The following KLHL3 variants were observed in gnomAD, a reference collection of about 807,000 sequenced individuals.
KLHL3 encodes kelch like family member 3.
In KLHL3, 19 loss-of-function variants were observed where a neutral mutation model predicts 70.5. The ratio of observed to expected loss-of-function variants is 0.27; its 90% confidence interval spans 0.19 to 0.40. KLHL3 has a LOEUF of 0.40. Ranked by LOEUF, KLHL3 falls within the 10% of genes least tolerant of loss-of-function variation. The pLI is 1.00. For synonymous variants in KLHL3, 258 were observed against 290.3 expected (o/e 0.89, Z 1.13); for missense variants, 512 against 771.1 (o/e 0.66, Z 3.98).
chr5:137,627,027 A>G lies in KLHL3; in HGVS notation c.1592-1131T>C, dbSNP rs1255045425. On this transcript the variant is annotated intron_variant, in intron 13 of 14. Coordinates refer to ENST00000309755, the MANE Select transcript of KLHL3 (RefSeq NM_017415.3). ...AAAAAAAATCCATTTCTGGCCTTTT[A>G]TTCTAAAGAAATAATTTTAAATGTG... Among the ~76,000 whole-genome samples, 3 of 151,976 alleles carry G rather than the reference A, an allele frequency of 2.0e-5. No individual in the cohort carries two copies. In the South Asian group the frequency reaches 6.2e-4, roughly 32 times the overall value.
At chr5:137,636,638 G>T (rs924310367) in intron 11 of KLHL3, among the ~76,000 whole-genome samples, 1 of 152,206 alleles carries the variant, frequency 6.6e-6, no homozygotes, top group Non-Finnish European at 1.5e-5. Flanking sequence ...GACATCTGGA[G>T]GATGGAGAGA....
At chr5:137,677,222 G>A (rs1016253298) in intron 6 of KLHL3, among the ~76,000 whole-genome samples, 15 of 152,066 alleles carry the variant, frequency 9.9e-5, no homozygotes, top group Admixed American at 2.0e-4. Flanking sequence ...TGAGGCGGGC[G>A]GATTGCCTGA....
At chr5:137,730,993 C>T (rs1019278611) in intron 1 of KLHL3, among the ~76,000 whole-genome samples, 1 of 151,680 alleles carries the variant, frequency 6.6e-6, no homozygotes, top group Non-Finnish European at 1.5e-5. Context: ...TGCTCTATTC[C>T]GTTTAACCTA....
At chr5:137,720,337 G>T in intron 2 of KLHL3, 128 bp downstream of exon 2, 1 of 1,083,694 alleles carries the variant, frequency 9.2e-7, no homozygotes, top group Non-Finnish European at 1.3e-6. Context: ...GGGAACTCAA[G>T]TGACTAAGAA....
chr5:137,668,168 C>T (rs577074724), intron 6 of KLHL3, among the ~76,000 whole-genome samples: 105 of 152,168 alleles, frequency 6.9e-4, no homozygotes, highest in Middle Eastern at 3.4e-3. Flanking sequence ...TGTGGGAGGC[C>T]GAGGAGGCCA....
At chr5:137,726,374 A>G (rs1014348108) in intron 1 of KLHL3, among the ~76,000 whole-genome samples, 3 of 152,208 alleles carry the variant, frequency 2.0e-5, no homozygotes, top group East Asian at 1.9e-4. Flanking sequence ...CACTTACTCA[A>G]ATATTTACTA....
chr5:137,734,756 A>G (rs17797119), intron 1 of KLHL3, among the ~76,000 whole-genome samples: 68,007 of 151,954 alleles, frequency 0.45, 16,609 homozygotes, highest in African/African-American at 0.64. Flanking sequence ...TACTCTACCA[A>G]CTGCAGACCA....
Position 137,682,735 on chromosome 5 carries a change from C to T in KLHL3, c.527-5081G>A, listed in dbSNP as rs190417759. Among the ~76,000 whole-genome samples the T allele has an allele frequency of 2.6e-5, 4 of 152,258 alleles. No homozygotes were observed. The East Asian group carries it at 7.7e-4, about 29-fold the overall frequency. On this transcript the variant is annotated intron_variant, in intron 5 of 14. Coordinates refer to ENST00000309755, the MANE Select transcript of KLHL3 (RefSeq NM_017415.3). Reference sequence around the variant, plus strand: ...CTGGGAGCCCCATGAGGTCAGGGATCAAGTCTGTGTTATTTGAAGCTGAAT... The same window carrying T: ...CTGGGAGCCCCATGAGGTCAGGGATTAAGTCTGTGTTATTTGAAGCTGAAT...
intron 7 of KLHL3, among the ~76,000 whole-genome samples, chr5:137,660,180 G>A (rs1207713479): frequency 6.6e-6 from 1 of 152,202 alleles, no homozygotes; most frequent in Non-Finnish European, 1.5e-5. Context: ...CATGCCCATT[G>A]CCTCTGACCC....
chr5:137,637,586 G>A (rs535402465), intron 10 of KLHL3, among the ~76,000 whole-genome samples, 191 bp from the exon 11 acceptor site: 59 of 152,338 alleles, frequency 3.9e-4, no homozygotes, highest in Middle Eastern at 3.4e-3. Flanking sequence ...TGCCTGCAGG[G>A]ACTATTAAGA....
At chr5:137,637,907 C>A (rs963672473) in intron 10 of KLHL3, among the ~76,000 whole-genome samples, 1 of 152,082 alleles carries the variant, frequency 6.6e-6, no homozygotes, top group Non-Finnish European at 1.5e-5. Context: ...CTTTTTGATT[C>A]TTGCTACCTG....
At chr5:137,667,443 C>G (rs1324814590) in intron 6 of KLHL3, among the ~76,000 whole-genome samples, 3 of 152,208 alleles carry the variant, frequency 2.0e-5, no homozygotes, top group African/African-American at 7.2e-5. Context: ...GAACCAATTT[C>G]TTGCATGCTA....
intron 1 of KLHL3, among the ~76,000 whole-genome samples, chr5:137,730,368 A>G (rs1051354617): frequency 2.0e-5 from 3 of 152,174 alleles, no homozygotes; most frequent in African/African-American, 7.2e-5. Flanking sequence ...ATCTCCTAGG[A>G]CCTGTGATAT....
intron 6 of KLHL3, among the ~76,000 whole-genome samples, chr5:137,669,619 T>C (rs1053976899): frequency 2.0e-5 from 3 of 148,086 alleles, no homozygotes; most frequent in South Asian, 4.2e-4. Context: ...AATGGTTTGA[T>C]AGAAACGTCT....
At chr5:137,683,731 C>T (rs1752089670) in intron 5 of KLHL3, among the ~76,000 whole-genome samples, 1 of 148,192 alleles carries the variant, frequency 6.7e-6, no homozygotes, top group Admixed American at 6.9e-5. Context: ...TGTCCTCTCC[C>T]TCTCTTTCTC....
At chr5:137,691,756 G>A (rs1189284845) in intron 5 of KLHL3, among the ~76,000 whole-genome samples, 2 of 148,034 alleles carry the variant, frequency 1.4e-5, no homozygotes, top group East Asian at 2.0e-4. Flanking sequence ...GACTACAGGC[G>A]CCCGCCACCA....
chr5:137,681,328 T>G (rs1752020538), intron 5 of KLHL3, among the ~76,000 whole-genome samples: 1 of 152,162 alleles, frequency 6.6e-6, no homozygotes, highest in Admixed American at 6.5e-5. Context: ...CCAGAACTGA[T>G]GTCTACAAGG....
intron 8 of KLHL3, among the ~76,000 whole-genome samples, chr5:137,645,405 A>C (rs575036673): frequency 9.1e-4 from 139 of 152,326 alleles, no homozygotes; most frequent in Admixed American, 1.9e-3. Context: ...TATATTAAAA[A>C]GCCTAAAGAC....
At chr5:137,683,299 AG>A (rs889075357) in intron 5 of KLHL3, among the ~76,000 whole-genome samples, 1 of 152,140 alleles carries the variant, frequency 6.6e-6, no homozygotes, top group African/African-American at 2.4e-5. Context: ...CATAATTCCC[AG>A]GGCCAGCAGC....
Sources: gnomAD v4.1 joint callset for allele counts (sites outside exome capture counted in the v4.1 genomes callset) on GRCh38, gnomAD v4.1.1 for gene constraint, MANE v1.5 for transcripts, NCBI Gene and HGNC (gene_info 2026-07-23, HGNC 2026-07-21) for gene names.